Variants in RASA3 observed in about 807,000 individuals in gnomAD.
RASA3 encodes RAS p21 protein activator 3.
Under a neutral mutation model 110.0 loss-of-function variants are expected in RASA3, and 73 were observed. The ratio of observed to expected loss-of-function variants is 0.66; its 90% CI spans 0.55 to 0.81. The LOEUF (loss-of-function observed/expected upper bound fraction) is 0.81, where lower values mean the gene tolerates loss of function less well. Among genes scored for constraint, RASA3 ranks in the 30% least tolerant of loss-of-function variants. RASA3 has a pLI of 0.00. For missense variants in RASA3, 976 were observed against 1,113.2 expected, an observed-to-expected ratio of 0.88 and a Z score of 1.75; for synonymous variants, 500 against 451.4, an observed-to-expected ratio of 1.11 and a Z score of -1.37.
intron 21 of RASA3, among the ~76,000 whole-genome samples, chr13:113,992,817 C>T (rs939194398): frequency 1.3e-5 from 2 of 152,224 alleles, no homozygotes; most frequent in African/African-American, 4.8e-5. Flanking sequence ...AGGCTGCAAA[C>T]CGGAACTAAC....
At position 114,024,737 on chromosome 13, in the gene RASA3, C is replaced by T. The variant is rs1033504286; in HGVS notation, c.604-382G>A. 6.6e-5 allele frequency among the ~76,000 whole-genome samples: 10 copies of T among 152,352 alleles called. No individual in the cohort carries two copies. The South Asian group carries it at 8.3e-4, about 13-fold the overall frequency. On this transcript the variant is annotated intron_variant, in intron 7 of 23. Coordinates refer to ENST00000334062, the MANE Select transcript of RASA3 (RefSeq NM_007368.4). Reference sequence around the variant, plus strand: ...TCTGCCGTGGAGACGAAGCCAGCGCCGCCCTCCCGTGGCCCCACCTCAAGG... The same window carrying T: ...TCTGCCGTGGAGACGAAGCCAGCGCTGCCCTCCCGTGGCCCCACCTCAAGG...
chr13:113,980,444 GCCATGTGTGTGCACCTCCAC>G lies in RASA3; in HGVS notation c.2430-1042_2430-1023del, dbSNP rs1233570971. On this transcript the variant is annotated intron_variant, in intron 23 of 23. Coordinates refer to ENST00000334062, the MANE Select transcript of RASA3 (RefSeq NM_007368.4). Reference sequence around the variant, plus strand: ...CACCTCCTCCGTGTGTGCACCTCCTGCCATGTGTGTGCACCTCCACCCATGTGTGTGCACCTCCTGCCATG... The same window carrying G: ...CACCTCCTCCGTGTGTGCACCTCCTGCCATGTGTGTGCACCTCCTGCCATG... 1.1e-3 allele frequency among the ~76,000 whole-genome samples: 104 copies of G among 92,538 alleles called. 2 individuals carry two copies. Among genetic ancestry groups the G allele is most frequent in the African/African-American group, 4.9e-3 (96 of 19,478 alleles). The allele number at this position is 92,538 out of a possible 152,430, so 60.7% of individuals were successfully genotyped here.
At chr13:114,024,249 A>G (rs2053985725) in intron 8 of RASA3, 30 bp downstream of exon 8, 1 of 1,606,342 alleles carries the variant, frequency 6.2e-7, no homozygotes, top group Admixed American at 1.7e-5. Context: ...AAAACTGCCA[A>G]GTTGGGGACG....
chr13:114,064,003 G>C (rs1383263322), intron 2 of RASA3, among the ~76,000 whole-genome samples: 1 of 152,176 alleles, frequency 6.6e-6, no homozygotes, highest in Non-Finnish European at 1.5e-5. Flanking sequence ...ATCTTTTCAT[G>C]CTCAGGATTT....
At chr13:114,095,666 G>C (rs1342516356) in intron 1 of RASA3, among the ~76,000 whole-genome samples, 1 of 152,060 alleles carries the variant, frequency 6.6e-6, no homozygotes, top group Admixed American at 6.5e-5. Context: ...AGCTCAAGCA[G>C]CAGGCAAGGC....
chr13:114,046,633 A>G (rs1211167987), intron 3 of RASA3, among the ~76,000 whole-genome samples: 1 of 152,228 alleles, frequency 6.6e-6, no homozygotes, highest in East Asian at 1.9e-4. Context: ...GACATGGTAC[A>G]CTGGCAGGCG....
chr13:114,109,808 G>A (rs1594466265), intron 1 of RASA3, among the ~76,000 whole-genome samples: 1 of 152,274 alleles, frequency 6.6e-6, no homozygotes, highest in East Asian at 1.9e-4. Context: ...GCAGGGCCAC[G>A]AGGCAGGCGA....
At chr13:114,008,013 G>A (rs1490696741) in intron 17 of RASA3, among the ~76,000 whole-genome samples, 1 of 65,202 alleles carries the variant, frequency 1.5e-5, no homozygotes, top group Admixed American at 1.3e-4. Context: ...GCAGAGCCCT[G>A]GGGCCTGGAT....
intron 1 of RASA3, among the ~76,000 whole-genome samples, chr13:114,122,568 C>A (rs577438014): frequency 6.6e-6 from 1 of 152,246 alleles, no homozygotes; most frequent in Non-Finnish European, 1.5e-5. Flanking sequence ...GCCGTGCCTT[C>A]CCCCGCTGGG....
chr13:114,097,136 G>C lies in RASA3; in HGVS notation c.56-23299C>G, dbSNP rs138197714. 4.2e-3 allele frequency among the ~76,000 whole-genome samples: 640 copies of C among 152,284 alleles called. 6 individuals are homozygous for C. Among genetic ancestry groups the C allele is most frequent in the African/African-American group, 0.015 (612 of 41,562 alleles). ...GTGTGCACACATCCCCTCCTGAACC[G>C]AGCAGTTCTCCGCAGATATGGGCTG... On this transcript the variant is annotated intron_variant, in intron 1 of 23. Transcript: ENST00000334062.
At chr13:114,082,745 G>A (rs1280253253) in intron 1 of RASA3, among the ~76,000 whole-genome samples, 1 of 152,232 alleles carries the variant, frequency 6.6e-6, no homozygotes, top group Admixed American at 6.5e-5. Flanking sequence ...GCCTGGGGCT[G>A]CACCCCCAGG....
intron 1 of RASA3, among the ~76,000 whole-genome samples, chr13:114,110,812 T>C (rs1594467325): frequency 6.6e-6 from 1 of 152,096 alleles, no homozygotes; most frequent in African/African-American, 2.4e-5. Context: ...CACCGGCAGG[T>C]TTGACACCAC....
At chr13:114,081,024 C>T (rs1183129214) in intron 1 of RASA3, among the ~76,000 whole-genome samples, 3 of 142,098 alleles carry the variant, frequency 2.1e-5, no homozygotes, top group African/African-American at 8.6e-5. Context: ...CCAAGAGTGC[C>T]CCACGGCAGA....
rs372420373 is a variant in RASA3, at chr13:113,979,362, G to T, written c.2490C>A (p.Ser830=). The T allele has an allele frequency of 6.2e-7, 1 of 1,602,544 alleles. No individual in the cohort carries two copies. The highest frequency in any genetic ancestry group is 1.1e-5 in the South Asian group (1 of 90,840). The change falls in exon 24 of 24, where the codon TCC becomes TCA. Residue 830 remains serine (S), a synonymous_variant. Transcript: ENST00000334062. ...CCCGCAGACTTTAAATGGAATGAGT[G>T]GAGGTCTCGGACTGCTGCCGGATGT... ...QNYIRQQSET[S]THSI is the part of the protein sequence containing the mutation.
intron 3 of RASA3, among the ~76,000 whole-genome samples, chr13:114,049,906 C>T (rs558312926): frequency 1.1e-3 from 163 of 152,338 alleles, no homozygotes; most frequent in African/African-American, 3.7e-3. Context: ...AGGCAGGTCA[C>T]GGAGGGCAGC....
At chr13:114,029,951 C>G in intron 4 of RASA3, 64 bp from the exon 5 acceptor site, 1 of 1,457,320 alleles carries the variant, frequency 6.9e-7, no homozygotes, top group Non-Finnish European at 9.3e-7. Context: ...ACTAGGGCCG[C>G]GCGCCCAGGG....
chr13:114,124,466 C>G (rs184100779), intron 1 of RASA3, among the ~76,000 whole-genome samples: 1 of 152,260 alleles, frequency 6.6e-6, no homozygotes, highest in Non-Finnish European at 1.5e-5. Context: ...AGGGCGTTCC[C>G]GGGCACCTCG....
At chr13:114,010,959 G>A (rs1313808327) in intron 16 of RASA3, among the ~76,000 whole-genome samples, 2 of 151,454 alleles carry the variant, frequency 1.3e-5, no homozygotes, top group Admixed American at 6.6e-5. Context: ...ACAGGCTCCC[G>A]AAAAAGGCAA....
At chr13:114,041,149 G>A (rs555772439) in intron 3 of RASA3, 55 bp from the exon 4 acceptor site, 39 of 1,471,644 alleles carry the variant, frequency 2.7e-5, no homozygotes, top group South Asian at 2.3e-4. Flanking sequence ...GAGCCAGGAC[G>A]CCTGTGAGCA....
Sources: allele counts gnomAD v4.1 joint callset (sites outside exome capture counted in the v4.1 genomes callset), GRCh38; gene constraint gnomAD v4.1.1; transcripts MANE v1.5; gene names NCBI Gene and HGNC (gene_info 2026-07-23, HGNC 2026-07-21).